Variants in METTL6 observed in about 807,000 individuals in gnomAD.
METTL6 encodes the protein methyltransferase 6, tRNA N3-cytidine.
Under a neutral mutation model 26.4 loss-of-function variants are expected in METTL6, and 22 were observed. The observed-to-expected ratio is 0.83, with a 90% CI of 0.59 to 1.19. The LOEUF is 1.19. Ranked by LOEUF, METTL6 falls within the 50% of genes most tolerant of loss-of-function variation. The pLI is 0.00. For missense variants in METTL6, 304 were observed against 324.8 expected, an observed-to-expected ratio of 0.94 and a Z score of 0.49; for synonymous variants, 109 against 116.2, an observed-to-expected ratio of 0.94 and a Z score of 0.40.
chr3:15,416,600 C>T (rs1388124235), intron 3 of METTL6, among the ~76,000 whole-genome samples: 2 of 152,096 alleles, frequency 1.3e-5, no homozygotes, highest in African/African-American at 4.8e-5. Flanking sequence ...TGCTTAAAGC[C>T]TAAACCCTAT....
chr3:15,416,058 T>G, intron 3 of METTL6, 116 bp from the exon 4 acceptor site: 1 of 871,366 alleles, frequency 1.1e-6, no homozygotes, highest in South Asian at 1.8e-5. Context: ...AAATTATCAC[T>G]GTTACCAGAT....
chr3:15,416,223 G>A (rs1019316624), intron 3 of METTL6, among the ~76,000 whole-genome samples: 2 of 152,090 alleles, frequency 1.3e-5, no homozygotes, highest in African/African-American at 2.4e-5. Flanking sequence ...TATTTCCAGA[G>A]GGATGATGAT....
At position 15,399,581 on chromosome 3, in the gene METTL6, T is replaced by C. The variant is rs958773799; in HGVS notation, c.*11+11664A>G. The C allele has an allele frequency of 2.9e-4, 34 of 119,012 alleles. 3 individuals are homozygous for C. The highest frequency in any genetic ancestry group is 1.3e-3 in the Admixed American group (16 of 11,872). The allele number at this position is 119,012 out of a possible 1,614,324, so 7.4% of individuals were successfully genotyped here. On this transcript the variant is annotated intron_variant, in intron 6 of 6. Transcript: ENST00000443029. ...GTGTGTGTGTGTGTGTGTGTGTGTG[T>C]TGGAGGCTGGGGCGGGGGGCGGTTG...
chr3:15,404,706 C>A (rs1699740588), intron 6 of METTL6, among the ~76,000 whole-genome samples: 12 of 151,940 alleles, frequency 7.9e-5, no homozygotes, highest in Admixed American at 7.9e-4. Flanking sequence ...CTATGTTGCT[C>A]AGGCTGGAGT....
At chr3:15,418,186 A>T (rs1301373038) in intron 3 of METTL6, among the ~76,000 whole-genome samples, 2 of 152,212 alleles carry the variant, frequency 1.3e-5, no homozygotes, top group Non-Finnish European at 2.9e-5. Flanking sequence ...CAAAAAACAT[A>T]GTGTGAAGAG....
At chr3:15,389,238 C>G (rs1699278257) in intron 6 of METTL6, among the ~76,000 whole-genome samples, 1 of 151,960 alleles carries the variant, frequency 6.6e-6, no homozygotes, top group South Asian at 2.1e-4. Context: ...AAGCAATCCT[C>G]CCACTTTGGC....
chr3:15,392,602 T>A (rs1304736903), intron 6 of METTL6, among the ~76,000 whole-genome samples: 3 of 152,236 alleles, frequency 2.0e-5, no homozygotes, highest in Non-Finnish European at 4.4e-5. Flanking sequence ...ATTGCCTAGG[T>A]TTCCTTCTAG....
chr3:15,409,547 G>A (rs1699890178), downstream of METTL6, among the ~76,000 whole-genome samples: 1 of 152,172 alleles, frequency 6.6e-6, no homozygotes, highest in Non-Finnish European at 1.5e-5. Context: ...TCCCAATAGG[G>A]AGTTGGAATG....
downstream of METTL6, among the ~76,000 whole-genome samples, chr3:15,405,299 A>T (rs1445435406): frequency 6.6e-6 from 1 of 152,246 alleles, no homozygotes; most frequent in Non-Finnish European, 1.5e-5. Flanking sequence ...AACTGAAAGT[A>T]AACACCTTCA....
downstream of METTL6, among the ~76,000 whole-genome samples, chr3:15,408,905 T>C (rs1699873296): frequency 6.6e-6 from 1 of 152,064 alleles, no homozygotes; most frequent in South Asian, 2.1e-4. Flanking sequence ...GAGGGGGCAG[T>C]GGGCAGCATC....
intron 6 of METTL6, among the ~76,000 whole-genome samples, chr3:15,404,154 C>G (rs965324800): frequency 1.3e-4 from 20 of 152,244 alleles, no homozygotes; most frequent in African/African-American, 4.3e-4. Flanking sequence ...TTCTACTCAG[C>G]CCCTATTCAA....
At chr3:15,409,622 C>T (rs536046703), downstream of METTL6, among the ~76,000 whole-genome samples, 7 of 152,228 alleles carry the variant, frequency 4.6e-5, no homozygotes, top group East Asian at 7.7e-4. Context: ...TCATCTTCTC[C>T]GAGAAACAGC....
At chr3:15,393,838 G>A (rs1699414480) in intron 6 of METTL6, among the ~76,000 whole-genome samples, 1 of 152,174 alleles carries the variant, frequency 6.6e-6, no homozygotes, top group African/African-American at 2.4e-5. Context: ...TGCATCCCAG[G>A]GATGAAGCCC....
At chr3:15,424,490 C>T (rs2061676325) in intron 3 of METTL6, among the ~76,000 whole-genome samples, 1 of 152,192 alleles carries the variant, frequency 6.6e-6, no homozygotes, top group African/African-American at 2.4e-5. Flanking sequence ...TGGTCTTGAA[C>T]TACTGGGTGC....
chr3:15,387,961 A>G (rs1390980107), intron 6 of METTL6, among the ~76,000 whole-genome samples: 1 of 151,944 alleles, frequency 6.6e-6, no homozygotes, highest in Non-Finnish European at 1.5e-5. Context: ...TGCTGCCTAG[A>G]CAGAGCCAAT....
rs73132555 is a variant in METTL6 at position 15,391,560 on chromosome 3, C to G, written c.*12-7373G>C. Among the ~76,000 whole-genome samples, 843 of 152,094 alleles carry G rather than the reference C, an allele frequency of 5.5e-3. 7 individuals carry two copies. The highest frequency in any genetic ancestry group is 0.018 in the African/African-American group (757 of 41,478). On this transcript the variant is annotated intron_variant, in intron 6 of 6. Coordinates refer to the METTL6 transcript ENST00000443029. ...GGGAACAAAACGTGCAGGTTTATTA[C>G]ATATATATACATGCGCCATGTTGGT...
intron 6 of METTL6, among the ~76,000 whole-genome samples, chr3:15,394,230 G>A (rs537887366): frequency 7.0e-4 from 106 of 152,336 alleles, no homozygotes; most frequent in African/African-American, 2.5e-3. Context: ...TCTTGGGAGA[G>A]TGTATGTGTC....
chr3:15,406,313 C>T (rs1699782033), downstream of METTL6, among the ~76,000 whole-genome samples: 1 of 151,384 alleles, frequency 6.6e-6, no homozygotes, highest in South Asian at 2.1e-4. Context: ...GAACCTGATC[C>T]TCTGTTGTAT....
At chr3:15,415,579 T>G (rs980831147) in intron 4 of METTL6, 193 bp downstream of exon 4, 1 of 1,605,228 alleles carries the variant, frequency 6.2e-7, no homozygotes, top group African/African-American at 1.3e-5. Context: ...AGAGCAGCCA[T>G]GGCACTGCAC....
Sources: gnomAD v4.1 joint callset for allele counts (sites outside exome capture counted in the v4.1 genomes callset) on GRCh38, gnomAD v4.1.1 for gene constraint, MANE v1.5 for transcripts, NCBI Gene and HGNC (gene_info 2026-07-23, HGNC 2026-07-21) for gene names.